ZNF277: variants seen among roughly 807,000 people sequenced by gnomAD.
ZNF277 encodes nuclear receptor-interacting factor 4.
In ZNF277, 55 loss-of-function variants were observed where a neutral mutation model predicts 60.7. The observed-to-expected ratio is 0.91, with a 90% CI of 0.73 to 1.13. The LOEUF (loss-of-function observed/expected upper bound fraction) is 1.13. Among genes scored for constraint, ZNF277 ranks in the 50% most tolerant of loss-of-function variants. The pLI is 0.00. For missense variants in ZNF277, 510 were observed against 523.0 expected (o/e 0.98, Z 0.24); for synonymous variants, 178 against 179.3 (o/e 0.99, Z 0.06).
intron 1 of ZNF277, among the ~76,000 whole-genome samples, chr7:112,274,261 A>C (rs1791744632): frequency 6.6e-6 from 1 of 151,984 alleles, no homozygotes; most frequent in Non-Finnish European, 1.5e-5. Flanking sequence ...GGGCCCAAGC[A>C]ATCCTCTCAC....
At chr7:112,330,669 A>G (rs1464631323) in intron 7 of ZNF277, among the ~76,000 whole-genome samples, 2 of 150,544 alleles carry the variant, frequency 1.3e-5, no homozygotes, top group African/African-American at 4.9e-5. Context: ...GTATCAAGCA[A>G]TTCTCCTGCC....
chr7:112,332,959 G>A (rs1219553523), intron 7 of ZNF277, among the ~76,000 whole-genome samples: 1 of 152,004 alleles, frequency 6.6e-6, no homozygotes, highest in Non-Finnish European at 1.5e-5. Flanking sequence ...TAGAACAAGT[G>A]TATAAAAAAC....
chr7:112,290,189 AG>A (rs1251465967), intron 2 of ZNF277, among the ~76,000 whole-genome samples: 1 of 152,192 alleles, frequency 6.6e-6, no homozygotes, highest in Non-Finnish European at 1.5e-5. Context: ...GAATTGCAGA[AG>A]AACAGTATTA....
At chr7:112,218,156 T>C (rs116350858) in intron 1 of ZNF277, among the ~76,000 whole-genome samples, 2,187 of 152,318 alleles carry the variant, frequency 0.014, 58 homozygotes, top group African/African-American at 0.05. Context: ...GATAAATTGA[T>C]TCTGGGCAGT....
At chr7:112,232,443 A>G (rs1822364963) in intron 1 of ZNF277, among the ~76,000 whole-genome samples, 1 of 152,176 alleles carries the variant, frequency 6.6e-6, no homozygotes, top group Non-Finnish European at 1.5e-5. Flanking sequence ...AACTAATTTG[A>G]AAGCTAGATT....
intron 1 of ZNF277, among the ~76,000 whole-genome samples, chr7:112,262,573 A>G (rs1370902510): frequency 1.3e-5 from 2 of 152,158 alleles, no homozygotes. Context: ...TTAAATATAT[A>G]AATAAAGGTA....
At chr7:112,223,175 C>T (rs1270010311) in intron 1 of ZNF277, among the ~76,000 whole-genome samples, 1 of 152,160 alleles carries the variant, frequency 6.6e-6, no homozygotes, top group Non-Finnish European at 1.5e-5. Flanking sequence ...AGCATGTCTC[C>T]CAGCTGATCC....
chr7:112,302,988 A>T (rs1259944833), intron 4 of ZNF277, among the ~76,000 whole-genome samples: 1 of 141,598 alleles, frequency 7.1e-6, no homozygotes, highest in African/African-American at 2.7e-5. Context: ...TCAGTCTGTC[A>T]CCCAGGCTGG....
chr7:112,297,485 T>C (rs1470877178), intron 4 of ZNF277, among the ~76,000 whole-genome samples: 2 of 152,186 alleles, frequency 1.3e-5, no homozygotes, highest in African/African-American at 2.4e-5. Flanking sequence ...CTATTTACCA[T>C]AGTCATATAA....
At position 112,210,183 on chromosome 7, in the gene ZNF277, C is replaced by T. The variant is rs183652105; in HGVS notation, c.91+3376C>T. Among the ~76,000 whole-genome samples, 69 of 152,218 alleles carry T rather than the reference C, an allele frequency of 4.5e-4. No homozygotes were observed. In the East Asian group the frequency reaches 0.011, roughly 25 times the overall value. ...TTTTAAAAAACATACACCTTTTTGA[C>T]TTCTTGAAAACTGCTTCTTTTAAGA... On this transcript the variant is annotated intron_variant, in intron 1 of 11. Transcript: ENST00000361822.
intron 11 of ZNF277, among the ~76,000 whole-genome samples, chr7:112,341,908 T>C (rs1017699333): frequency 6.6e-6 from 1 of 152,228 alleles, no homozygotes; most frequent in Non-Finnish European, 1.5e-5. Context: ...ATCCTTCTTA[T>C]ATAAATTAAA....
intron 1 of ZNF277, among the ~76,000 whole-genome samples, chr7:112,242,967 A>G (rs1028374051): frequency 6.6e-6 from 1 of 152,118 alleles, no homozygotes; most frequent in African/African-American, 2.4e-5. Context: ...TACTGGTATA[A>G]AAATAGACAC....
chr7:112,319,103 T>A (rs562765363), intron 5 of ZNF277, among the ~76,000 whole-genome samples: 1 of 152,184 alleles, frequency 6.6e-6, no homozygotes, highest in South Asian at 2.1e-4. Context: ...ACCAGCAACC[T>A]ACTCTGAGTT....
At chr7:112,287,177 G>C in intron 2 of ZNF277, 103 bp downstream of exon 2, 1 of 1,177,894 alleles carries the variant, frequency 8.5e-7, no homozygotes. Context: ...AGGATCACCC[G>C]AGGCCAGTAG....
At chr7:112,330,548 CTT>C (rs1171213748) in intron 7 of ZNF277, 7,874 of 108,090 alleles carry the variant, frequency 0.073, 184 homozygotes, top group African/African-American at 0.16. Flanking sequence ...AGACTCCTTT[CTT>C]TTTTTTTTTT....
chr7:112,262,247 C>CAAAAAAAAAAAAAAAA (rs376386868), intron 1 of ZNF277, among the ~76,000 whole-genome samples: 1 of 77,672 alleles, frequency 1.3e-5, no homozygotes, highest in African/African-American at 4.3e-5. Context: ...AAAAGCAATA[C>CAAAAAAAAAAAAAAAA]AAAAAAAAAA....
chr7:112,261,557 A>G (rs900619570), intron 1 of ZNF277, among the ~76,000 whole-genome samples: 3 of 151,988 alleles, frequency 2.0e-5, no homozygotes. Context: ...TGGAAAAAAT[A>G]CTCCTTTTTT....
At chr7:112,268,377 A>G (rs145659941) in intron 1 of ZNF277, among the ~76,000 whole-genome samples, 92 of 152,110 alleles carry the variant, frequency 6.0e-4, no homozygotes, top group African/African-American at 2.0e-3. Flanking sequence ...TTTAATTTGA[A>G]TAGGACTTAC....
Position 112,226,557 on chromosome 7 carries a change from A to C in ZNF277, c.91+19750A>C, listed in dbSNP as rs10215066. 3.7e-3 allele frequency among the ~76,000 whole-genome samples: 559 copies of C among 152,276 alleles called. 5 individuals are homozygous for C. The highest frequency in any genetic ancestry group is 0.013 in the African/African-American group (538 of 41,558). ...ATTTGAATATTGAACAACAACAAAA[A>C]AGTTTCCTAAGTAACCATTTTCTGA... is the stretch of plus-strand genomic sequence containing the variant. On this transcript the variant is annotated intron_variant, in intron 1 of 11. Coordinates refer to ENST00000361822, the MANE Select transcript of ZNF277 (RefSeq NM_021994.3).
Sources: gnomAD v4.1 joint callset for allele counts (sites outside exome capture counted in the v4.1 genomes callset) on GRCh38, gnomAD v4.1.1 for gene constraint, MANE v1.5 for transcripts, NCBI Gene and HGNC (gene_info 2026-07-23, HGNC 2026-07-21) for gene names.